The following ANO6 variants were observed in gnomAD, a reference collection of about 807,000 sequenced individuals.
The protein encoded by ANO6 is anoctamin-6.
ANO6 carries 106 observed loss-of-function variants against 117.5 expected under a neutral mutation model. The ratio of observed to expected loss-of-function variants is 0.90; its 90% CI spans 0.77 to 1.06. ANO6 has a LOEUF of 1.06. ANO6 is among the 50% of genes least tolerant of loss of function. The probability of loss-of-function intolerance (pLI) is 0.00; values close to 1 mark genes in which losing one functional copy is unlikely to be tolerated. For synonymous variants in ANO6, 367 were observed against 385.1 expected (o/e 0.95, Z 0.55); for missense variants, 955 against 1,121.1 (o/e 0.85, Z 2.12).
chr12:45,359,254 A>T (rs1166453309), intron 8 of ANO6, among the ~76,000 whole-genome samples: 1 of 151,992 alleles, frequency 6.6e-6, no homozygotes. Flanking sequence ...ACATTTCATA[A>T]AAGTATTTAA....
intron 1 of ANO6, among the ~76,000 whole-genome samples, chr12:45,282,847 C>A (rs1938785956): frequency 6.6e-6 from 1 of 152,192 alleles, no homozygotes. Flanking sequence ...TAATTGCATT[C>A]TCTCATATAT....
At chr12:45,269,519 G>A (rs1038486309) in intron 1 of ANO6, among the ~76,000 whole-genome samples, 13 of 152,192 alleles carry the variant, frequency 8.5e-5, no homozygotes, top group African/African-American at 3.1e-4. Context: ...TTTAGCAACA[G>A]ATTTAAAAGG....
At chr12:45,428,237 G>C (rs1405429565) in intron 19 of ANO6, among the ~76,000 whole-genome samples, 2 of 152,196 alleles carry the variant, frequency 1.3e-5, no homozygotes, top group Non-Finnish European at 2.9e-5. Context: ...ATAAATTATA[G>C]TGTAGTCACA....
At position 45,432,305 on chromosome 12, in the gene ANO6, C is replaced by A. The variant is rs1199297105; in HGVS notation, c.*2994C>A. ...GTTAATTTCTGTGCATTTTAATATTCTTTTATAATTATGAGCATTTTAATA... is the reference window on the plus strand; with the variant it reads ...GTTAATTTCTGTGCATTTTAATATTATTTTATAATTATGAGCATTTTAATA... On this transcript the variant is annotated 3_prime_UTR_variant, in exon 20 of 20. Transcript: ENST00000320560. 6 of 903,650 alleles carry A rather than the reference C, an allele frequency of 6.6e-6. No individual in the cohort carries two copies. The South Asian group carries it at 1.6e-4, about 23-fold the overall frequency. The allele number at this position is 903,650 out of a possible 1,614,324, so 56.0% of individuals were successfully genotyped here.
chr12:45,403,531 A>C lies in ANO6; in HGVS notation c.1875A>C (p.Leu625Phe). The change falls in exon 15 of 20, where the codon TTA (leucine) becomes TTC (phenylalanine). Residue 625 changes from leucine (L) to phenylalanine (F), a missense_variant. Physicochemically the swap from Leu to Phe is conservative, Grantham distance 22 (BLOSUM62 0). Coordinates refer to ENST00000320560, the MANE Select transcript of ANO6 (RefSeq NM_001025356.3). The stretch of plus-strand genomic sequence containing the variant: ...TCTGGAATAACATACAAGAAGTATT[A>C]TTGCCGTGAGTGTTAAATTGTATAG... Reference protein sequence around the residue: ...KAIWNNIQEVLLPWIMNLIGR... With the variant: ...KAIWNNIQEVFLPWIMNLIGR... 6.2e-7 allele frequency: 1 copy of C among 1,610,106 alleles called. No homozygotes were observed. The highest frequency in any genetic ancestry group is 8.5e-7 in the Non-Finnish European group (1 of 1,176,544).
chr12:45,223,773 T>C (rs1365162575), intron 1 of ANO6, among the ~76,000 whole-genome samples: 3 of 152,216 alleles, frequency 2.0e-5, no homozygotes, highest in South Asian at 4.1e-4. Context: ...GAGTTGTCTC[T>C]TTTCCTCATT....
At chr12:45,256,315 C>G (rs1937826481) in intron 1 of ANO6, among the ~76,000 whole-genome samples, 1 of 152,170 alleles carries the variant, frequency 6.6e-6, no homozygotes, top group African/African-American at 2.4e-5. Context: ...GATTCTGGTG[C>G]TTTCCTGGTG....
At chr12:45,253,627 G>T (rs141439880) in intron 1 of ANO6, among the ~76,000 whole-genome samples, 1 of 152,122 alleles carries the variant, frequency 6.6e-6, no homozygotes, top group Non-Finnish European at 1.5e-5. Flanking sequence ...TTGTTCCACC[G>T]ATGTTACATG....
chr12:45,436,488 C>T (rs1943708260), downstream of ANO6, among the ~76,000 whole-genome samples: 1 of 152,172 alleles, frequency 6.6e-6, no homozygotes, highest in African/African-American at 2.4e-5. Flanking sequence ...TATGAAGTCC[C>T]TAATGTCTAT....
At chr12:45,359,624 CTTCA>C (rs71093877) in intron 8 of ANO6, among the ~76,000 whole-genome samples, 17,996 of 152,164 alleles carry the variant, frequency 0.12, 1,369 homozygotes, top group Non-Finnish European at 0.16. Flanking sequence ...TGTATCAGTA[CTTCA>C]TTCATTTTTG....
chr12:45,385,729 G>A (rs1348305862), intron 10 of ANO6, among the ~76,000 whole-genome samples: 4 of 152,160 alleles, frequency 2.6e-5, no homozygotes, highest in African/African-American at 9.7e-5. Context: ...AGGTACAGAA[G>A]CACAAATGTC....
At chr12:45,355,670 A>G (rs1941392645) in intron 7 of ANO6, among the ~76,000 whole-genome samples, 1 of 152,138 alleles carries the variant, frequency 6.6e-6, no homozygotes, top group South Asian at 2.1e-4. Context: ...TCACGTGAAA[A>G]TCAGCCCACT....
intron 8 of ANO6, among the ~76,000 whole-genome samples, chr12:45,361,627 G>GT (rs1195850409): frequency 1.3e-5 from 2 of 152,024 alleles, no homozygotes; most frequent in Non-Finnish European, 2.9e-5. Context: ...CTAGGTGTGG[G>GT]TTTTTTCATT....
intron 1 of ANO6, among the ~76,000 whole-genome samples, chr12:45,262,968 T>C (rs74080987): frequency 0.01 from 1,590 of 152,216 alleles, 30 homozygotes; most frequent in African/African-American, 0.036. Flanking sequence ...GGTTGAGTCC[T>C]GTAGAGGGGC....
exon 20 of ANO6, chr12:45,439,724 A>G: frequency 1.3e-6 from 2 of 1,536,696 alleles, no homozygotes; most frequent in Non-Finnish European, 1.7e-6. Flanking sequence ...ATCTTGGCTC[A>G]CTGCAACCTC....
chr12:45,284,974 T>C (rs1032422970), intron 1 of ANO6, among the ~76,000 whole-genome samples: 2 of 152,262 alleles, frequency 1.3e-5, no homozygotes, highest in African/African-American at 4.8e-5. Context: ...ACATGTTAAG[T>C]GCATATTTAA....
chr12:45,281,477 T>A (rs1257739721), intron 1 of ANO6, among the ~76,000 whole-genome samples: 4 of 152,136 alleles, frequency 2.6e-5, no homozygotes, highest in Non-Finnish European at 5.9e-5. Flanking sequence ...TCAGGGAGCT[T>A]ACAATCATGG....
At chr12:45,411,570 C>G (rs1276587947) in intron 16 of ANO6, among the ~76,000 whole-genome samples, 1 of 152,182 alleles carries the variant, frequency 6.6e-6, no homozygotes, top group South Asian at 2.1e-4. Flanking sequence ...ATTGGTCTCA[C>G]CACCACACAG....
chr12:45,355,441 A>AT (rs1166710351), intron 7 of ANO6, among the ~76,000 whole-genome samples: 4 of 152,020 alleles, frequency 2.6e-5, no homozygotes, highest in Non-Finnish European at 2.9e-5. Context: ...ATACAGCAGG[A>AT]TTTTTTTTAT....
Sources: gnomAD v4.1 joint callset for allele counts (sites outside exome capture counted in the v4.1 genomes callset) on GRCh38, gnomAD v4.1.1 for gene constraint, MANE v1.5 for transcripts, NCBI Gene and HGNC (gene_info 2026-07-23, HGNC 2026-07-21) for gene names.